LINGO2: variants seen among roughly 807,000 people sequenced by gnomAD.
The protein encoded by LINGO2 is leucine rich repeat and Ig domain containing 2.
LINGO2 carries 14 observed loss-of-function variants against 30.6 expected under a neutral mutation model. The ratio of observed to expected loss-of-function variants is 0.46; its 90% CI spans 0.30 to 0.72. LINGO2 has a LOEUF of 0.72. LINGO2 is among the 30% of genes least tolerant of loss of function. LINGO2 has a pLI of 0.07. For missense variants in LINGO2, 729 were observed against 751.7 expected (o/e 0.97, Z 0.35); for synonymous variants, 317 against 288.5 (o/e 1.10, Z -1.00).
intron 2 of LINGO2, among the ~76,000 whole-genome samples, chr9:28,428,546 T>C (rs80348610): frequency 0.031 from 4,718 of 152,216 alleles, 249 homozygotes; most frequent in African/African-American, 0.11. Flanking sequence ...AACCAGACCT[T>C]AACAACTGCT....
chr9:29,055,554 T>C, the LINGO2 span, among the ~76,000 whole-genome samples: 1 of 152,140 alleles, frequency 6.6e-6, no homozygotes, highest in African/African-American at 2.4e-5. Flanking sequence ...TTCAAATCTT[T>C]TTTGTTAACT....
chr9:28,351,565 A>G (rs2134447194), intron 3 of LINGO2, among the ~76,000 whole-genome samples: 1 of 143,212 alleles, frequency 7.0e-6, no homozygotes, highest in East Asian at 2.1e-4. Context: ...GAATTCTACC[A>G]GAGGTACAAG....
chr9:27,950,597 G>A, exon 6 of LINGO2: 1 of 1,522,684 alleles, frequency 6.6e-7, no homozygotes, highest in African/African-American at 1.4e-5. Context: ...GGCAGCCAAT[G>A]GTGGATCCCA....
At chr9:27,938,652 C>T in the LINGO2 span, 1 of 152,100 alleles carries the variant, frequency 6.6e-6, no homozygotes. Context: ...ACACTAAGGC[C>T]TATCTCTAAA....
chr9:29,108,647 C>G, the LINGO2 span, among the ~76,000 whole-genome samples: 2 of 152,148 alleles, frequency 1.3e-5, no homozygotes, highest in African/African-American at 2.4e-5. Context: ...CAGATATCAG[C>G]TGACAGGATA....
the LINGO2 span, among the ~76,000 whole-genome samples, chr9:28,946,227 A>G: frequency 6.6e-6 from 1 of 152,174 alleles, no homozygotes; most frequent in Admixed American, 6.5e-5. Context: ...ACTACTTCAA[A>G]GTAGGTAAAA....
chr9:28,380,047 T>TG lies in LINGO2; in HGVS notation c.-278-7180_-278-7179insC, dbSNP rs1821284050. ...TACTTCTTTTTATTTACAGATTATTTATGTCCTCTTTGCTGCTACAGTAGC... is the reference window on the plus strand; with the variant it reads ...TACTTCTTTTTATTTACAGATTATTTGATGTCCTCTTTGCTGCTACAGTAGC... On this transcript the variant is annotated intron_variant, in intron 2 of 5. Transcript: ENST00000379992. Among the ~76,000 whole-genome samples, 3 of 152,220 alleles carry TG rather than the reference T, an allele frequency of 2.0e-5. No individual in the cohort carries two copies. In the South Asian group the frequency reaches 6.2e-4, roughly 32 times the overall value.
chr9:28,866,950 A>G, the LINGO2 span, among the ~76,000 whole-genome samples: 1 of 152,324 alleles, frequency 6.6e-6, no homozygotes, highest in East Asian at 1.9e-4. Context: ...CTTATTTCTT[A>G]GAATCTTGTA....
At chr9:27,939,878 C>G in the LINGO2 span, 1 of 152,166 alleles carries the variant, frequency 6.6e-6, no homozygotes, top group Non-Finnish European at 1.5e-5. Flanking sequence ...AGATGGGGAT[C>G]TGGTAAACAA....
At chr9:28,152,107 T>G (rs1828016323) in intron 4 of LINGO2, among the ~76,000 whole-genome samples, 2 of 152,198 alleles carry the variant, frequency 1.3e-5, no homozygotes, top group African/African-American at 4.8e-5. Context: ...TTTGGATATT[T>G]AACCTTCAAA....
intron 2 of LINGO2, among the ~76,000 whole-genome samples, chr9:28,456,415 G>T (rs1824848814): frequency 6.6e-6 from 1 of 152,182 alleles, no homozygotes; most frequent in Non-Finnish European, 1.5e-5. Flanking sequence ...CAGAGGCATG[G>T]TAGTGAATTT....
chr9:27,979,945 T>A (rs1820776778), intron 5 of LINGO2, among the ~76,000 whole-genome samples: 1 of 151,954 alleles, frequency 6.6e-6, no homozygotes, highest in Non-Finnish European at 1.5e-5. Flanking sequence ...AAGAATCATA[T>A]CTCATGTGGG....
chr9:28,564,395 A>T (rs943111747), intron 1 of LINGO2, among the ~76,000 whole-genome samples: 3 of 152,118 alleles, frequency 2.0e-5, no homozygotes, highest in African/African-American at 7.2e-5. Context: ...TTTTAAAATA[A>T]ATAATCCAGT....
chr9:28,623,002 CTA>C (rs1390960208), intron 1 of LINGO2, among the ~76,000 whole-genome samples: 2 of 152,068 alleles, frequency 1.3e-5, no homozygotes, highest in East Asian at 3.9e-4. Context: ...TGAGAAATGT[CTA>C]TTCAAATCTT....
chr9:28,011,400 G>C (rs1432259927), intron 5 of LINGO2, among the ~76,000 whole-genome samples: 1 of 152,230 alleles, frequency 6.6e-6, no homozygotes, highest in Non-Finnish European at 1.5e-5. Context: ...AGAATAGAGA[G>C]TACAGGGGTG....
At chr9:27,972,185 C>T (rs1820388583) in intron 5 of LINGO2, among the ~76,000 whole-genome samples, 1 of 152,172 alleles carries the variant, frequency 6.6e-6, no homozygotes, top group African/African-American at 2.4e-5. Context: ...ACTTCTCTGT[C>T]TTGGTTTAGG....
At chr9:29,025,248 T>C in the LINGO2 span, among the ~76,000 whole-genome samples, 2 of 152,140 alleles carry the variant, frequency 1.3e-5, no homozygotes, top group Non-Finnish European at 1.5e-5. Context: ...CCGTAAACAC[T>C]GCAAAGTATC....
At chr9:28,857,817 CTGAT>C in the LINGO2 span, among the ~76,000 whole-genome samples, 2 of 151,640 alleles carry the variant, frequency 1.3e-5, no homozygotes, top group Non-Finnish European at 2.9e-5. Flanking sequence ...ATTTTTTACA[CTGAT>C]TGTTGAAAAT....
chr9:28,009,603 A>C (rs1006517685), intron 5 of LINGO2, among the ~76,000 whole-genome samples: 27 of 152,208 alleles, frequency 1.8e-4, no homozygotes, highest in Admixed American at 1.6e-3. Flanking sequence ...CACTAAACAC[A>C]TGAAAAAAAT....
Sources: allele counts gnomAD v4.1 joint callset (sites outside exome capture counted in the v4.1 genomes callset), GRCh38; gene constraint gnomAD v4.1.1; transcripts MANE v1.5; gene names NCBI Gene and HGNC (gene_info 2026-07-23, HGNC 2026-07-21).